Variants in ARID5B observed in about 807,000 individuals in gnomAD.
ARID5B encodes AT-rich interaction domain 5B.
ARID5B carries 13 observed loss-of-function variants against 97.2 expected under a neutral mutation model. The ratio of observed to expected loss-of-function variants is 0.13; its 90% CI spans 0.09 to 0.21. The LOEUF (loss-of-function observed/expected upper bound fraction) is 0.21. ARID5B is among the 10% of genes least tolerant of loss of function. The probability of loss-of-function intolerance (pLI) is 1.00; values close to 1 mark genes in which losing one functional copy is unlikely to be tolerated. For missense variants in ARID5B, 1,210 were observed against 1,465.3 expected (o/e 0.83, Z 2.84); for synonymous variants, 556 against 570.3 (o/e 0.97, Z 0.36).
At chr10:62,057,077 G>T (rs778564861) in intron 5 of ARID5B, 40 bp from the exon 6 acceptor site, 1 of 1,599,566 alleles carries the variant, frequency 6.3e-7, no homozygotes, top group Non-Finnish European at 8.5e-7. Flanking sequence ...GCATCCTGGG[G>T]CTGTGCCTCG....
intron 9 of ARID5B, among the ~76,000 whole-genome samples, chr10:62,086,327 C>T (rs1023450896): frequency 5.3e-5 from 8 of 152,170 alleles, no homozygotes; most frequent in African/African-American, 1.7e-4. Flanking sequence ...TGGTGGCTCG[C>T]GCCTGTAATC....
At chr10:62,088,130 G>A (rs777892822) in intron 9 of ARID5B, among the ~76,000 whole-genome samples, 16 of 152,054 alleles carry the variant, frequency 1.1e-4, no homozygotes, top group Non-Finnish European at 1.9e-4. Context: ...GCCTCCCAAC[G>A]TGCTGAGATT....
chr10:62,041,953 C>T (rs975757526), intron 4 of ARID5B, among the ~76,000 whole-genome samples: 3 of 152,054 alleles, frequency 2.0e-5, no homozygotes, highest in Non-Finnish European at 2.9e-5. Flanking sequence ...TAGACTAGAA[C>T]GAGCAGATTT....
chr10:62,086,701 A>ACAAAC (rs1840287421), intron 9 of ARID5B, among the ~76,000 whole-genome samples: 15 of 102,102 alleles, frequency 1.5e-4, no homozygotes, highest in Admixed American at 1.4e-3. Context: ...AAAAAAAAAA[A>ACAAAC]AAAAAAAAAA....
At chr10:61,940,479 T>C in intron 3 of ARID5B, 71 bp downstream of exon 3, 3 of 1,292,328 alleles carry the variant, frequency 2.3e-6, no homozygotes, top group South Asian at 1.3e-5. Flanking sequence ...AAGATTTTTC[T>C]GGAAACACTA....
intron 3 of ARID5B, among the ~76,000 whole-genome samples, chr10:61,968,979 T>C (rs922631632): frequency 2.0e-5 from 3 of 152,232 alleles, no homozygotes; most frequent in Non-Finnish European, 4.4e-5. Context: ...TTTAGCATTT[T>C]CTGTAAAACA....
At chr10:62,075,085 G>T (rs537649868) in intron 8 of ARID5B, among the ~76,000 whole-genome samples, 114 of 152,258 alleles carry the variant, frequency 7.5e-4, no homozygotes, top group African/African-American at 2.6e-3. Flanking sequence ...CCTACATCTT[G>T]GCCACAAACT....
chr10:61,925,657 T>C (rs932155915), intron 2 of ARID5B, among the ~76,000 whole-genome samples: 1 of 152,168 alleles, frequency 6.6e-6, no homozygotes, highest in Admixed American at 6.5e-5. Flanking sequence ...GGTACATGCA[T>C]GGTAAGCCCA....
chr10:61,987,268 C>T (rs1047827166), intron 3 of ARID5B, among the ~76,000 whole-genome samples: 7 of 152,050 alleles, frequency 4.6e-5, no homozygotes, highest in East Asian at 1.9e-4. Flanking sequence ...GTAATAGATC[C>T]GGGAGTAGGA....
chr10:61,951,070 A>G (rs1195966664), intron 3 of ARID5B, among the ~76,000 whole-genome samples: 1 of 152,162 alleles, frequency 6.6e-6, no homozygotes, highest in African/African-American at 2.4e-5. Flanking sequence ...CAACACATTA[A>G]CTTTCCTAAA....
At chr10:61,943,505 G>A (rs1318917948) in intron 3 of ARID5B, among the ~76,000 whole-genome samples, 2 of 147,434 alleles carry the variant, frequency 1.4e-5, no homozygotes, top group South Asian at 2.1e-4. Flanking sequence ...AGTAAGCAAA[G>A]AACGGAAAGA....
At chr10:62,039,007 GA>G (rs1428101686) in intron 4 of ARID5B, among the ~76,000 whole-genome samples, 1 of 152,200 alleles carries the variant, frequency 6.6e-6, no homozygotes, top group Non-Finnish European at 1.5e-5. Context: ...TATTCTGAGG[GA>G]AAATATAGAC....
At chr10:62,083,867 G>GACA (rs1840248095) in intron 8 of ARID5B, among the ~76,000 whole-genome samples, 1 of 152,120 alleles carries the variant, frequency 6.6e-6, no homozygotes, top group Non-Finnish European at 1.5e-5. Context: ...GGAATGTTGG[G>GACA]GACTTTACAG....
At chr10:61,954,139 C>G (rs1393129058) in intron 3 of ARID5B, among the ~76,000 whole-genome samples, 1 of 151,974 alleles carries the variant, frequency 6.6e-6, no homozygotes, top group African/African-American at 2.4e-5. Context: ...TGGTGGATCA[C>G]CTGAGGTTGG....
At chr10:62,006,639 A>C (rs905245826) in intron 4 of ARID5B, among the ~76,000 whole-genome samples, 1 of 152,212 alleles carries the variant, frequency 6.6e-6, no homozygotes, top group African/African-American at 2.4e-5. Context: ...TGATTAAAAG[A>C]TGGACTCAGC....
At position 61,976,899 on chromosome 10, in the gene ARID5B, G is replaced by T. The variant is rs1838708139; in HGVS notation, c.503-23192G>T. Among the ~76,000 whole-genome samples the T allele has an allele frequency of 2.0e-5, 3 of 149,600 alleles. No homozygotes were observed. In the South Asian group the frequency reaches 6.4e-4, roughly 32 times the overall value. ...TTATACTTTAAGTTCTAGGGTACAT[G>T]TGCACAATGTGCAGGTTTGTTACAT... is the stretch of plus-strand genomic sequence containing the variant. On this transcript the variant is annotated intron_variant, in intron 3 of 9. Transcript: ENST00000279873.
chr10:61,976,735 A>G (rs1564617790), intron 3 of ARID5B, among the ~76,000 whole-genome samples: 1 of 152,200 alleles, frequency 6.6e-6, no homozygotes, highest in Non-Finnish European at 1.5e-5. Flanking sequence ...TGCAAGATTT[A>G]CAAATGTTGA....
At chr10:62,008,654 C>T (rs920530079) in intron 4 of ARID5B, among the ~76,000 whole-genome samples, 4 of 152,196 alleles carry the variant, frequency 2.6e-5, no homozygotes, top group Non-Finnish European at 4.4e-5. Flanking sequence ...CCTTGCTGTC[C>T]TTTGGTCTGT....
intron 1 of ARID5B, among the ~76,000 whole-genome samples, 183 bp from the exon 2 acceptor site, chr10:61,901,976 T>G (rs1409274312): frequency 1.0e-4 from 13 of 124,544 alleles, no homozygotes; most frequent in Non-Finnish European, 1.9e-4. Context: ...GCCCTGAGTT[T>G]TTTTTTTTTT....
Sources: gnomAD v4.1 joint callset for allele counts (sites outside exome capture counted in the v4.1 genomes callset) on GRCh38, gnomAD v4.1.1 for gene constraint, MANE v1.5 for transcripts, NCBI Gene and HGNC (gene_info 2026-07-23, HGNC 2026-07-21) for gene names.